KIAA0825: variants seen among roughly 807,000 people sequenced by gnomAD.
The protein encoded by KIAA0825 is KIAA0825.
KIAA0825 carries 119 observed loss-of-function variants against 147.6 expected under a neutral mutation model. The ratio of observed to expected loss-of-function variants is 0.81; its 90% confidence interval spans 0.69 to 0.94. KIAA0825 has a LOEUF of 0.94. Ranked by LOEUF, KIAA0825 falls within the 40% of genes least tolerant of loss-of-function variation. The pLI is 0.00. For missense variants in KIAA0825, 1,381 were observed against 1,472.7 expected, an observed-to-expected ratio of 0.94 and a Z score of 1.02; for synonymous variants, 470 against 518.1, an observed-to-expected ratio of 0.91 and a Z score of 1.26.
intron 2 of KIAA0825, among the ~76,000 whole-genome samples, chr5:94,564,746 C>T (rs1308994427): frequency 6.6e-6 from 1 of 152,018 alleles, no homozygotes; most frequent in African/African-American, 2.4e-5. Context: ...TTTACATATC[C>T]AGTTAGGTTA....
intron 20 of KIAA0825, among the ~76,000 whole-genome samples, chr5:94,161,477 C>T (rs1308487666): frequency 6.6e-6 from 1 of 152,292 alleles, no homozygotes; most frequent in African/African-American, 2.4e-5. Context: ...TCCCAACTAC[C>T]TAAGACTAAT....
intron 14 of KIAA0825, among the ~76,000 whole-genome samples, chr5:94,426,568 A>G (rs1171872470): frequency 6.6e-6 from 1 of 152,226 alleles, no homozygotes; most frequent in African/African-American, 2.4e-5. Context: ...TGCGGGTCAG[A>G]GGCTACTGAA....
At chr5:94,499,853 G>A (rs1764860289) in intron 5 of KIAA0825, among the ~76,000 whole-genome samples, 1 of 152,074 alleles carries the variant, frequency 6.6e-6, no homozygotes, top group Non-Finnish European at 1.5e-5. Flanking sequence ...AGTCCATATG[G>A]GGAGACAGAT....
chr5:94,306,009 T>G (rs1463563421), intron 20 of KIAA0825, among the ~76,000 whole-genome samples: 1 of 151,934 alleles, frequency 6.6e-6, no homozygotes, highest in African/African-American at 2.4e-5. Flanking sequence ...TATCTCTCCA[T>G]GAACCATCCC....
chr5:94,391,794 T>G, intron 17 of KIAA0825, 100 bp from the exon 18 acceptor site: 1 of 1,027,404 alleles, frequency 9.7e-7, no homozygotes. Flanking sequence ...AAATCTCAGA[T>G]TCAAAGCATC....
At chr5:94,543,498 T>C (rs1244318339) in intron 2 of KIAA0825, among the ~76,000 whole-genome samples, 1 of 152,092 alleles carries the variant, frequency 6.6e-6, no homozygotes, top group Non-Finnish European at 1.5e-5. Flanking sequence ...TTGAGATTCC[T>C]CACTGATGCT....
chr5:94,498,375 A>T (rs1043732105), intron 5 of KIAA0825, among the ~76,000 whole-genome samples: 1 of 152,182 alleles, frequency 6.6e-6, no homozygotes, highest in Non-Finnish European at 1.5e-5. Flanking sequence ...TGAGCAAAAA[A>T]CTGCCAGGAG....
chr5:94,306,065 A>C (rs1404575514), intron 20 of KIAA0825, among the ~76,000 whole-genome samples: 1 of 151,814 alleles, frequency 6.6e-6, no homozygotes, highest in African/African-American at 2.4e-5. Flanking sequence ...AAAATTCCTA[A>C]AGTTTGGTGA....
intron 20 of KIAA0825, among the ~76,000 whole-genome samples, chr5:94,291,637 A>C (rs928572991): frequency 6.6e-6 from 1 of 152,130 alleles, no homozygotes; most frequent in Non-Finnish European, 1.5e-5. Context: ...AGTTTTTTCA[A>C]ATTCTGTGAA....
At chr5:94,282,975 G>T (rs1777526534) in intron 20 of KIAA0825, among the ~76,000 whole-genome samples, 1 of 152,012 alleles carries the variant, frequency 6.6e-6, no homozygotes, top group South Asian at 2.1e-4. Context: ...ACCTAAAATA[G>T]AAGATAGGGA....
At chr5:94,326,848 T>C (rs1780744914) in intron 20 of KIAA0825, among the ~76,000 whole-genome samples, 1 of 152,212 alleles carries the variant, frequency 6.6e-6, no homozygotes, top group African/African-American at 2.4e-5. Context: ...ACAAAAGCAC[T>C]CTGGCCTGTA....
chr5:94,528,104 G>A (rs540119640), intron 3 of KIAA0825, among the ~76,000 whole-genome samples: 23 of 152,202 alleles, frequency 1.5e-4, no homozygotes, highest in African/African-American at 4.3e-4. Flanking sequence ...TTTCTATTTC[G>A]GAGACATTTA....
intron 1 of KIAA0825, among the ~76,000 whole-genome samples, chr5:94,607,314 CA>C (rs1474427801): frequency 6.6e-6 from 1 of 152,042 alleles, no homozygotes; most frequent in Non-Finnish European, 1.5e-5. Flanking sequence ...ACTAAAAGTG[CA>C]AAATCTGTGA....
At chr5:94,484,671 G>A (rs1449940820) in intron 6 of KIAA0825, 98 bp downstream of exon 6, 3 of 745,834 alleles carry the variant, frequency 4.0e-6, no homozygotes, top group Non-Finnish European at 6.1e-6. Flanking sequence ...ATTCTTTCAT[G>A]TGTGTTTTTT....
In KIAA0825 at chr5:94,608,471, T is replaced by C. The variant is rs1458244901; in HGVS notation, c.-153+10029A>G. Among the ~76,000 whole-genome samples the C allele has an allele frequency of 7.2e-4, 13 of 18,044 alleles. 5 individuals are homozygous for C. The Admixed American group carries it at 7.8e-3, about 11-fold the overall frequency. The allele number at this position is 18,044 out of a possible 152,430, so 11.8% of individuals were successfully genotyped here. A position where few individuals can be genotyped will look rare whatever the true frequency, so the allele number is the denominator to read the frequency against. ...TGTGTGTATATATATATATTATATA[T>C]ATAATATATATATATATATAATTAT... is the stretch of plus-strand genomic sequence containing the variant. On this transcript the variant is annotated intron_variant, in intron 1 of 20. Transcript: ENST00000682413.
chr5:94,471,581 T>C lies in KIAA0825; in HGVS notation c.1606A>G (p.Lys536Glu). The C allele has an allele frequency of 6.4e-7, 1 of 1,551,920 alleles. No homozygotes were observed. Among genetic ancestry groups the C allele is most frequent in the Non-Finnish European group, 8.7e-7 (1 of 1,147,032 alleles). ...AVLQRLQERA[K>E]EVPSKAPLKN... ...AGGGGTGCTTTGGAAGGAACCTCCT[T>C]GGCTCTCTCTTGCAGTCTCTGCAGG... Residue 536 changes from lysine to glutamate, a missense_variant, in exon 9 of 21, where the codon AAG becomes GAG. Coordinates refer to ENST00000682413, the MANE Select transcript of KIAA0825 (RefSeq NM_001145678.3).
intron 20 of KIAA0825, among the ~76,000 whole-genome samples, chr5:94,318,211 A>G (rs2150232621): frequency 6.6e-6 from 1 of 151,860 alleles, no homozygotes; most frequent in South Asian, 2.1e-4. Context: ...ACATTTCCGA[A>G]AATTTAAATA....
intron 20 of KIAA0825, among the ~76,000 whole-genome samples, chr5:94,228,390 A>G (rs889658530): frequency 6.6e-6 from 1 of 152,090 alleles, no homozygotes; most frequent in African/African-American, 2.4e-5. Flanking sequence ...TGACTCATCA[A>G]TTTTAGATAT....
chr5:94,449,758 A>T (rs1758165451), intron 13 of KIAA0825, among the ~76,000 whole-genome samples: 2 of 152,164 alleles, frequency 1.3e-5, no homozygotes, highest in Admixed American at 1.3e-4. Context: ...AATCAAAGAA[A>T]ATAGATTTTC....
Sources: allele counts gnomAD v4.1 joint callset (sites outside exome capture counted in the v4.1 genomes callset), GRCh38; gene constraint gnomAD v4.1.1; transcripts MANE v1.5; gene names NCBI Gene and HGNC (gene_info 2026-07-23, HGNC 2026-07-21).